The following OSBPL3 variants were observed in gnomAD, a reference collection of about 807,000 sequenced individuals.
OSBPL3 encodes oxysterol binding protein like 3, also known as oxysterol-binding protein-related protein 3.
A neutral mutation model predicts 120.1 loss-of-function variants in OSBPL3; 65 were observed. The observed-to-expected ratio is 0.54, with a 90% CI of 0.44 to 0.67. OSBPL3 has a LOEUF of 0.67. OSBPL3 is among the 30% of genes least tolerant of loss of function. The probability of loss-of-function intolerance (pLI) is 0.00; values close to 1 mark genes in which losing one functional copy is unlikely to be tolerated. For missense variants in OSBPL3, 1,004 were observed against 1,082.1 expected (o/e 0.93, Z 1.01); for synonymous variants, 416 against 402.6 (o/e 1.03, Z -0.40).
In OSBPL3 at chr7:24,879,284, T is replaced by G. The variant is rs1425209643; in HGVS notation, c.97-7215A>C. ...TTTGCATTAGCTCTATAACCTCAAGTACAATCCCTGACTTTGGGATCTAAG... is the reference window on the plus strand; with the variant it reads ...TTTGCATTAGCTCTATAACCTCAAGGACAATCCCTGACTTTGGGATCTAAG... On this transcript the variant is annotated intron_variant, in intron 2 of 22. Transcript: ENST00000313367. This position sits in a 1 kb window ranked among gnomAD's most constrained non-coding sequence, Gnocchi z 5.6. Among the ~76,000 whole-genome samples, 2 of 152,176 alleles carry G rather than the reference T, an allele frequency of 1.3e-5. No homozygotes were observed. The highest frequency in any genetic ancestry group is 2.9e-5 in the Non-Finnish European group (2 of 68,024).
chr7:24,951,082 A>G lies in OSBPL3; in HGVS notation c.-150+28804T>C, dbSNP rs576980138. ...AACAACGATCTCCCTCCCCACCACC[A>G]GCCCCAACAAAAAGAAAGAATCTCC... On this transcript the variant is annotated intron_variant, in intron 1 of 22. Transcript: ENST00000313367. Among the ~76,000 whole-genome samples, 7 of 152,322 alleles carry G rather than the reference A, an allele frequency of 4.6e-5. No homozygotes were observed. In the East Asian group the frequency reaches 1.2e-3, roughly 25 times the overall value.
intron 13 of OSBPL3, among the ~76,000 whole-genome samples, chr7:24,841,506 G>C (rs73272222): frequency 0.085 from 12,840 of 151,334 alleles, 879 homozygotes; most frequent in East Asian, 0.22. Flanking sequence ...AGGTCAGCCT[G>C]GCCAACATGC....
intron 1 of OSBPL3, among the ~76,000 whole-genome samples, chr7:24,904,698 A>G (rs1807598501): frequency 1.3e-5 from 2 of 152,204 alleles, no homozygotes; most frequent in South Asian, 4.1e-4. Flanking sequence ...ACAATGGGCA[A>G]TAACATGGAT....
upstream of OSBPL3, among the ~76,000 whole-genome samples, chr7:24,980,563 G>A (rs1290860467): frequency 6.7e-6 from 1 of 149,616 alleles, no homozygotes; most frequent in Admixed American, 6.6e-5. Flanking sequence ...AGGGCAGCGC[G>A]GGAGGGGCAG....
At position 24,852,454 on chromosome 7, in the gene OSBPL3, A is replaced by G; in HGVS notation, c.1158+50T>C. On this transcript the variant is annotated intron_variant, in intron 11 of 22. Coordinates refer to ENST00000313367, the MANE Select transcript of OSBPL3 (RefSeq NM_015550.4). This position sits in a 1 kb window ranked among gnomAD's most constrained non-coding sequence, Gnocchi z 4.1. ...TGGAAATAGAAATTACAAACCATTC[A>G]TGAGCCTGGACACATCTCAGGCATT... The G allele has an allele frequency of 3.6e-6, 5 of 1,404,768 alleles. No homozygotes were observed. The highest frequency in any genetic ancestry group is 4.7e-6 in the Non-Finnish European group (5 of 1,068,384). 87.0% of individuals were successfully genotyped at this position (1,404,768 alleles called of 1,614,324 possible). A position where few individuals can be genotyped will look rare whatever the true frequency, so the allele number is the denominator to read the frequency against.
chr7:24,908,835 TC>T (rs1808343177), intron 1 of OSBPL3, among the ~76,000 whole-genome samples: 1 of 152,198 alleles, frequency 6.6e-6, no homozygotes, highest in Admixed American at 6.5e-5. Context: ...GTTTTTTCCT[TC>T]CCATCAAATT....
rs1806515020 is a variant in OSBPL3 at position 24,898,571 on chromosome 7, A to C, written c.-149-5950T>G. ...GCTCCATCCATGGCCTTCACAATCC[A>C]CTTCTTCAGGGGACATCAGATTGCT... On this transcript the variant is annotated intron_variant, in intron 1 of 22. Transcript: ENST00000313367. The surrounding 1 kb of genome is among the most constrained non-coding windows in gnomAD (Gnocchi z 4.3). Among the ~76,000 whole-genome samples, 3 of 152,092 alleles carry C rather than the reference A, an allele frequency of 2.0e-5. No individual in the cohort carries two copies.
intron 12 of OSBPL3, among the ~76,000 whole-genome samples, chr7:24,845,354 C>G (rs1415059814): frequency 1.6e-5 from 2 of 122,698 alleles, no homozygotes; most frequent in Non-Finnish European, 3.1e-5. Flanking sequence ...TTTGTACTTT[C>G]CTGTGAATTT....
At position 24,930,547 on chromosome 7, in the gene OSBPL3, A is replaced by G. The variant is rs1197920404; in HGVS notation, c.-149-37926T>C. ...ATGGGGGACACTGAGTTGCAGCTAA[A>G]AAAAGATCACATATTAAAAATACAT... On this transcript the variant is annotated intron_variant, in intron 1 of 22. Transcript: ENST00000313367. The surrounding 1 kb of genome is among the most constrained non-coding windows in gnomAD (Gnocchi z 4.4). 6.6e-6 allele frequency among the ~76,000 whole-genome samples: 1 copy of G among 152,230 alleles called. No individual in the cohort carries two copies. Among genetic ancestry groups the G allele is most frequent in the Non-Finnish European group, 1.5e-5 (1 of 68,030 alleles).
At chr7:24,812,029 G>A (rs923189732) in intron 19 of OSBPL3, among the ~76,000 whole-genome samples, 2 of 152,124 alleles carry the variant, frequency 1.3e-5, no homozygotes, top group Non-Finnish European at 2.9e-5. Flanking sequence ...GTTCTTGGAC[G>A]GGTGCAGTGC....
Position 24,946,529 on chromosome 7 carries a change from G to A in OSBPL3, c.-150+33357C>T, listed in dbSNP as rs570657685. ...TTAGATATGAGACATTAAGAGGGAA[G>A]TAACAGACATTATCTGTTATTTTGC... On this transcript the variant is annotated intron_variant, in intron 1 of 22. Coordinates refer to ENST00000313367, the MANE Select transcript of OSBPL3 (RefSeq NM_015550.4). The surrounding 1 kb of genome is among the most constrained non-coding windows in gnomAD (Gnocchi z 4.3). Among the ~76,000 whole-genome samples the A allele has an allele frequency of 3.9e-5, 6 of 152,254 alleles. No individual in the cohort carries two copies. The highest frequency in any genetic ancestry group is 1.3e-4 in the Admixed American group (2 of 15,308).
At position 24,873,354 on chromosome 7, in the gene OSBPL3, T is replaced by C. The variant is rs1562865457; in HGVS notation, c.97-1285A>G. On this transcript the variant is annotated intron_variant, in intron 2 of 22. Transcript: ENST00000313367. This position sits in a 1 kb window ranked among gnomAD's most constrained non-coding sequence, Gnocchi z 4.1. ...GTTTCTGTGTTGTCCTCAAGTTCAA[T>C]ACGTGGGACCCACCTGGTAATGAGA... Among the ~76,000 whole-genome samples the C allele has an allele frequency of 6.6e-6, 1 of 152,236 alleles. No homozygotes were observed. The highest frequency in any genetic ancestry group is 2.4e-5 in the African/African-American group (1 of 41,468).
intron 1 of OSBPL3, among the ~76,000 whole-genome samples, chr7:24,895,253 A>T (rs959253143): frequency 6.6e-5 from 10 of 152,222 alleles, no homozygotes; most frequent in Admixed American, 5.2e-4. Context: ...TGGTGGTCCC[A>T]TAAGACTATA....
At chr7:24,917,434 CATAT>C (rs751716988) in intron 1 of OSBPL3, among the ~76,000 whole-genome samples, 1 of 82,220 alleles carries the variant, frequency 1.2e-5, no homozygotes, top group Non-Finnish European at 2.5e-5. Context: ...ATATTTGTAA[CATAT>C]ATATATATAC....
chr7:24,947,140 T>C lies in OSBPL3; in HGVS notation c.-150+32746A>G, dbSNP rs1813830126. Among the ~76,000 whole-genome samples, 3 of 152,298 alleles carry C rather than the reference T, an allele frequency of 2.0e-5. No individual in the cohort carries two copies. The highest frequency in any genetic ancestry group is 7.2e-5 in the African/African-American group (3 of 41,558). On this transcript the variant is annotated intron_variant, in intron 1 of 22. Transcript: ENST00000313367. This position sits in a 1 kb window ranked among gnomAD's most constrained non-coding sequence, Gnocchi z 4.4. ...CTTGATGATGGTCAAGTCAAGGTGT[T>C]GTAGAAAGGAGTAAAACAACAGATG...
Position 24,842,397 on chromosome 7 carries a change from T to C in OSBPL3, c.1283A>G (p.Glu428Gly). 1 of 1,608,414 alleles carries C rather than the reference T, an allele frequency of 6.2e-7. No individual in the cohort carries two copies. Among genetic ancestry groups the C allele is most frequent in the Non-Finnish European group, 8.5e-7 (1 of 1,178,462 alleles). ...DNLAEENSRD[E>G]NRALVHQLSN... ...AAGCTGATGAACTAGAGCTCGGTTT[T>C]CATCTCTGGAGTTTTCCTATTTGAA... The change falls in exon 13 of 23, where the codon GAA (glutamate) becomes GGA (glycine). Residue 428 changes from glutamate (E) to glycine (G), a missense_variant. By Grantham distance (98) the Glu-to-Gly change is moderately conservative. Coordinates refer to ENST00000313367, the MANE Select transcript of OSBPL3 (RefSeq NM_015550.4).
At position 24,873,913 on chromosome 7, in the gene OSBPL3, A is replaced by G. The variant is rs1178462907; in HGVS notation, c.97-1844T>C. Among the ~76,000 whole-genome samples the G allele has an allele frequency of 6.6e-6, 1 of 152,168 alleles. No homozygotes were observed. The highest frequency in any genetic ancestry group is 1.5e-5 in the Non-Finnish European group (1 of 68,032). On this transcript the variant is annotated intron_variant, in intron 2 of 22. Transcript: ENST00000313367. This position sits in a 1 kb window ranked among gnomAD's most constrained non-coding sequence, Gnocchi z 4.1. The stretch of plus-strand genomic sequence containing the variant: ...ACCATTTCATCCTTAGAGACTCCAT[A>G]GGTACTCCATCTTACTTTTCTGGAG...
chr7:24,944,552 C>T (rs1363038429), intron 1 of OSBPL3, among the ~76,000 whole-genome samples: 1 of 151,766 alleles, frequency 6.6e-6, no homozygotes, highest in East Asian at 1.9e-4. Flanking sequence ...ATCACTTGAA[C>T]CCAGGAGGCG....
At chr7:24,905,617 T>C (rs1807783963) in intron 1 of OSBPL3, among the ~76,000 whole-genome samples, 1 of 152,174 alleles carries the variant, frequency 6.6e-6, no homozygotes, top group South Asian at 2.1e-4. Flanking sequence ...ATAAGCTCCG[T>C]AGGACATTCT....
Sources: gnomAD v4.1 joint callset for allele counts (sites outside exome capture counted in the v4.1 genomes callset) on GRCh38, gnomAD v4.1.1 for gene constraint, Gnocchi (gnomAD v3.1) non-coding constraint, MANE v1.5 for transcripts, NCBI Gene and HGNC (gene_info 2026-07-23, HGNC 2026-07-21) for gene names.